Variants in NAA11 observed in about 807,000 individuals in gnomAD.
NAA11 encodes N-alpha-acetyltransferase 11, NatA catalytic subunit.
NAA11 carries 15 observed loss-of-function variants against 16.1 expected under a neutral mutation model. That is an observed-to-expected ratio of 0.93 (90% CI 0.62 to 1.44). The LOEUF (loss-of-function observed/expected upper bound fraction) is 1.44, where lower values mean the gene tolerates loss of function less well. NAA11 is among the 40% of genes most tolerant of loss of function. NAA11 has a pLI of 0.00. For synonymous variants in NAA11, 122 were observed against 112.4 expected, an observed-to-expected ratio of 1.09 and a Z score of -0.54; for missense variants, 298 against 291.3, an observed-to-expected ratio of 1.02 and a Z score of -0.17.
At chr4:79,236,175 T>A (rs1021157664) in intron 2 of NAA11, among the ~76,000 whole-genome samples, 1 of 152,128 alleles carries the variant, frequency 6.6e-6, no homozygotes, top group Non-Finnish European at 1.5e-5. Context: ...TTCTATCCAA[T>A]GCAAAGACAA....
the NAA11 span, among the ~76,000 whole-genome samples, chr4:79,185,630 C>A: frequency 3.3e-5 from 5 of 152,156 alleles, no homozygotes; most frequent in Non-Finnish European, 4.4e-5. Context: ...CTACATCTTT[C>A]CTCCCCAATT....
chr4:79,288,722 TA>T (rs1367607665), intron 2 of NAA11, among the ~76,000 whole-genome samples: 2 of 152,204 alleles, frequency 1.3e-5, no homozygotes, highest in South Asian at 4.1e-4. Context: ...AAATTTATTT[TA>T]TATTATTTAA....
chr4:79,310,541 G>A (rs754264632), intron 1 of NAA11, among the ~76,000 whole-genome samples: 7 of 152,244 alleles, frequency 4.6e-5, no homozygotes, highest in African/African-American at 1.2e-4. Flanking sequence ...AACAATGCTC[G>A]TTTACTTAGC....
At chr4:79,212,608 A>G in the NAA11 span, among the ~76,000 whole-genome samples, 3 of 152,090 alleles carry the variant, frequency 2.0e-5, no homozygotes, top group East Asian at 1.9e-4. Context: ...TTCACTTTAC[A>G]TGGTTTCAGT....
At chr4:79,207,367 TAAAAAAAAAAA>T in the NAA11 span, among the ~76,000 whole-genome samples, 1 of 115,920 alleles carries the variant, frequency 8.6e-6, no homozygotes, top group Non-Finnish European at 1.7e-5. Flanking sequence ...TGAATGAGGT[TAAAAAAAAAAA>T]AAAAAAAAAA....
chr4:79,208,434 A>T, the NAA11 span, among the ~76,000 whole-genome samples: 2 of 152,172 alleles, frequency 1.3e-5, no homozygotes, highest in South Asian at 2.1e-4. Flanking sequence ...TCTATAAAGG[A>T]CTTCCAATAC....
At chr4:79,163,426 TAAAA>T in the NAA11 span, among the ~76,000 whole-genome samples, 1 of 151,804 alleles carries the variant, frequency 6.6e-6, no homozygotes, top group Admixed American at 6.6e-5. Context: ...GGTTAAAAAA[TAAAA>T]AAATAAATAA....
chr4:79,211,538 T>C, the NAA11 span: 3 of 152,194 alleles, frequency 2.0e-5, no homozygotes. Flanking sequence ...GAGACAAATA[T>C]ATGTATAGAT....
At chr4:79,308,989 T>A in intron 1 of NAA11, among the ~76,000 whole-genome samples, 1 of 152,248 alleles carries the variant, frequency 6.6e-6, no homozygotes, top group Non-Finnish European at 1.5e-5. Flanking sequence ...TGGCATCATC[T>A]TCTTTTCCTA....
At chr4:79,299,022 A>G (rs1000585066) in intron 1 of NAA11, 1 of 152,224 alleles carries the variant, frequency 6.6e-6, no homozygotes, top group Non-Finnish European at 1.5e-5. Context: ...CTTGAGAGCA[A>G]GGACTAAATC....
intron 1 of NAA11, among the ~76,000 whole-genome samples, chr4:79,319,717 T>A (rs545692370): frequency 6.6e-6 from 1 of 152,344 alleles, no homozygotes; most frequent in East Asian, 1.9e-4. Context: ...CAATATTTTA[T>A]CTCTTCCCAA....
the NAA11 span, among the ~76,000 whole-genome samples, chr4:79,173,427 T>C: frequency 1.3e-5 from 2 of 152,146 alleles, no homozygotes; most frequent in South Asian, 4.1e-4. Flanking sequence ...ATTGGTAACC[T>C]TCACAAGATC....
intron 2 of NAA11, among the ~76,000 whole-genome samples, chr4:79,267,927 A>T (rs1243940652): frequency 2.0e-5 from 3 of 152,124 alleles, no homozygotes; most frequent in Non-Finnish European, 4.4e-5. Flanking sequence ...GCCAGCCTGG[A>T]AACAAGTATG....
chr4:79,293,809 G>A (rs1258115746), intron 2 of NAA11, among the ~76,000 whole-genome samples: 7 of 152,144 alleles, frequency 4.6e-5, no homozygotes, highest in Admixed American at 2.6e-4. Context: ...CAAAATTCAT[G>A]TGTTGAAAAC....
intron 2 of NAA11, among the ~76,000 whole-genome samples, chr4:79,293,801 A>T (rs1723146579): frequency 6.6e-6 from 1 of 152,180 alleles, no homozygotes. Context: ...GTGTCCCCCA[A>T]AATTCATGTG....
downstream of NAA11, among the ~76,000 whole-genome samples, chr4:79,314,141 G>A (rs1336795748): frequency 6.6e-6 from 1 of 152,166 alleles, no homozygotes; most frequent in Non-Finnish European, 1.5e-5. Flanking sequence ...AAGAATGTGT[G>A]TCGAATGTTC....
chr4:79,289,152 A>C (rs575286868), intron 2 of NAA11, among the ~76,000 whole-genome samples: 1 of 152,338 alleles, frequency 6.6e-6, no homozygotes, highest in African/African-American at 2.4e-5. Context: ...TGGCTTTGAC[A>C]GACATTGCCA....
At chr4:79,254,700 TTTA>T (rs55691041) in intron 2 of NAA11, among the ~76,000 whole-genome samples, 1 of 149,760 alleles carries the variant, frequency 6.7e-6, no homozygotes, top group African/African-American at 2.5e-5. Context: ...TATTTACTTT[TTTA>T]TTATTATTAT....
At chr4:79,303,074 T>TAGATA (rs1560462860) in intron 1 of NAA11, among the ~76,000 whole-genome samples, 11 of 72,282 alleles carry the variant, frequency 1.5e-4, no homozygotes, top group African/African-American at 8.1e-4. Context: ...TCTTGAGGCC[T>TAGATA]TTTATATATA....
Sources: gnomAD v4.1 joint callset for allele counts (sites outside exome capture counted in the v4.1 genomes callset) on GRCh38, gnomAD v4.1.1 for gene constraint, MANE v1.5 for transcripts, NCBI Gene and HGNC (gene_info 2026-07-23, HGNC 2026-07-21) for gene names.